ALLC: variants seen among roughly 807,000 people sequenced by gnomAD.
ALLC encodes the protein allantoicase.
In ALLC, 40 loss-of-function variants were observed where a neutral mutation model predicts 45.0. The observed-to-expected ratio is 0.89, with a 90% CI of 0.69 to 1.16. ALLC has a LOEUF of 1.16. ALLC is among the 50% of genes most tolerant of loss of function. The pLI is 0.00. For missense variants in ALLC, 488 were observed against 493.1 expected (o/e 0.99, Z 0.10); for synonymous variants, 176 against 178.1 (o/e 0.99, Z 0.09).
At chr2:3,668,243 G>C (rs1666779136) in intron 1 of ALLC, among the ~76,000 whole-genome samples, 1 of 152,114 alleles carries the variant, frequency 6.6e-6, no homozygotes, top group Non-Finnish European at 1.5e-5. Flanking sequence ...GGGAGGCAAG[G>C]AGCAAACACA....
Position 3,682,998 on chromosome 2 carries a change from C to T in ALLC, c.435C>T (p.Asn145=). ...CCATGACTGAGCTTAAGCCAGGAAA[C>T]CCTGCTTCCGGCCACAACTATTTTC... ...LVPMTELKPG[N]PASGHNYFLV... is the part of the protein sequence containing the mutation. The change falls in exon 7 of 12, where the codon AAC becomes AAT. Residue 145 remains asparagine (N), a synonymous_variant. Transcript: ENST00000252505. The T allele has an allele frequency of 1.2e-6, 2 of 1,613,910 alleles. No homozygotes were observed. Among genetic ancestry groups the T allele is most frequent in the Non-Finnish European group, 1.7e-6 (2 of 1,179,834 alleles).
intron 7 of ALLC, among the ~76,000 whole-genome samples, chr2:3,683,383 A>G (rs1205498594): frequency 6.6e-6 from 1 of 152,214 alleles, no homozygotes; most frequent in African/African-American, 2.4e-5. Context: ...CAAATGACTC[A>G]TTTTATTTTT....
At chr2:3,701,337 C>A (rs549299247) in intron 10 of ALLC, among the ~76,000 whole-genome samples, 175 bp from the exon 11 acceptor site, 477 of 152,308 alleles carry the variant, frequency 3.1e-3, no homozygotes, top group Admixed American at 6.8e-3. Flanking sequence ...ACAATCTGAG[C>A]CTCACAAACC....
At chr2:3,647,968 A>G in the ALLC span, among the ~76,000 whole-genome samples, 3 of 152,184 alleles carry the variant, frequency 2.0e-5, no homozygotes, top group African/African-American at 7.2e-5. Flanking sequence ...TCCAATGCCA[A>G]GTCTGGGCCT....
At chr2:3,657,277 C>G (rs994509296), upstream of ALLC, among the ~76,000 whole-genome samples, 26 of 152,276 alleles carry the variant, frequency 1.7e-4, no homozygotes, top group African/African-American at 5.3e-4. Context: ...CTTGAGCCGG[C>G]CTTTCAAATG....
At chr2:3,650,629 A>G in the ALLC span, among the ~76,000 whole-genome samples, 1 of 152,088 alleles carries the variant, frequency 6.6e-6, no homozygotes, top group Admixed American at 6.5e-5. Context: ...TCCCTTCCAG[A>G]TGCTCTGCTC....
intron 8 of ALLC, 133 bp downstream of exon 8, chr2:3,696,005 T>A: frequency 9.6e-7 from 1 of 1,040,432 alleles, no homozygotes; most frequent in Non-Finnish European, 1.4e-6. Flanking sequence ...TAATCTTCCA[T>A]GTGTAGGATT....
intron 1 of ALLC, among the ~76,000 whole-genome samples, chr2:3,669,697 C>T (rs1479317517): frequency 6.6e-6 from 1 of 152,116 alleles, no homozygotes; most frequent in Non-Finnish European, 1.5e-5. Context: ...GTCCAGTGGG[C>T]AGGTGGACAG....
chr2:3,649,814 T>G, the ALLC span, among the ~76,000 whole-genome samples: 1 of 152,116 alleles, frequency 6.6e-6, no homozygotes, highest in South Asian at 2.1e-4. Flanking sequence ...GAAACCAGAG[T>G]GCCCAGAGAC....
the ALLC span, among the ~76,000 whole-genome samples, chr2:3,646,426 T>G: frequency 1.8e-4 from 28 of 152,340 alleles, no homozygotes; most frequent in Admixed American, 1.8e-3. Context: ...CTCAGGCCTT[T>G]CACAGTTCTT....
intron 4 of ALLC, among the ~76,000 whole-genome samples, chr2:3,678,924 C>G (rs1667101014): frequency 6.6e-6 from 1 of 152,164 alleles, no homozygotes; most frequent in Non-Finnish European, 1.5e-5. Context: ...CCCCGTTTAA[C>G]CGCCATGGAA....
chr2:3,688,580 T>C, intron 7 of ALLC: 1 of 207,734 alleles, frequency 4.8e-6, no homozygotes, highest in Non-Finnish European at 9.9e-6. Flanking sequence ...TTCTCATGAT[T>C]CACACCCCAC....
intron 9 of ALLC, among the ~76,000 whole-genome samples, chr2:3,696,661 T>G (rs1001731958): frequency 6.6e-6 from 1 of 152,190 alleles, no homozygotes; most frequent in Non-Finnish European, 1.5e-5. Context: ...TGTTGGGAGA[T>G]CTGGGGAAGA....
intron 7 of ALLC, 180 bp from the exon 8 acceptor site, chr2:3,695,537 C>A (rs1030879671): frequency 3.9e-5 from 24 of 614,170 alleles, no homozygotes; most frequent in African/African-American, 2.6e-4. Context: ...TGTTCTGGTA[C>A]AGGGTAATAT....
chr2:3,702,586 G>T lies in ALLC; in HGVS notation c.*23G>T, dbSNP rs750236491. The T allele has an allele frequency of 2.0e-6, 3 of 1,508,538 alleles. No homozygotes were observed. The South Asian group carries it at 4.0e-5, about 20-fold the overall frequency. 93.4% of individuals were successfully genotyped at this position (1,508,538 alleles called of 1,614,324 possible). On this transcript the variant is annotated 3_prime_UTR_variant, in exon 12 of 12. Coordinates refer to ENST00000252505, the MANE Select transcript of ALLC (RefSeq NM_018436.4). Reference sequence around the variant, plus strand: ...TAACACACACAAAGCCCCGGTGTCGGACACACAGCAGTAATTTCCCAGTCA... The same window carrying T: ...TAACACACACAAAGCCCCGGTGTCGTACACACAGCAGTAATTTCCCAGTCA...
intron 1 of ALLC, among the ~76,000 whole-genome samples, chr2:3,659,797 C>A (rs1218266314): frequency 6.6e-6 from 1 of 152,236 alleles, no homozygotes; most frequent in Non-Finnish European, 1.5e-5. Flanking sequence ...GGAACCTCCA[C>A]GGGGCCCTGC....
chr2:3,696,757 T>G (rs1482074581), intron 9 of ALLC, among the ~76,000 whole-genome samples: 1 of 152,086 alleles, frequency 6.6e-6, no homozygotes, highest in Non-Finnish European at 1.5e-5. Context: ...CGCTCTAGAG[T>G]CCATGCAGCT....
intron 6 of ALLC, 148 bp downstream of exon 6, chr2:3,681,861 C>T (rs552931498): frequency 1.6e-6 from 1 of 606,650 alleles, no homozygotes; most frequent in African/African-American, 1.9e-5. Flanking sequence ...TGTGGCCTTG[C>T]AAACGTCTCA....
the ALLC span, among the ~76,000 whole-genome samples, chr2:3,649,960 C>T: frequency 6.6e-6 from 1 of 152,206 alleles, no homozygotes; most frequent in Non-Finnish European, 1.5e-5. Context: ...CCCGTAGCTT[C>T]CCCAGCTACA....
Sources: gnomAD v4.1 joint callset for allele counts (sites outside exome capture counted in the v4.1 genomes callset) on GRCh38, gnomAD v4.1.1 for gene constraint, MANE v1.5 for transcripts, NCBI Gene and HGNC (gene_info 2026-07-23, HGNC 2026-07-21) for gene names.